Variants in XRCC5 observed in about 807,000 individuals in gnomAD.
The protein encoded by XRCC5 is X-ray repair cross complementing 5.
In XRCC5, 12 loss-of-function variants were observed where a neutral mutation model predicts 95.7. That is an observed-to-expected ratio of 0.13 (90% CI 0.08 to 0.20). The LOEUF (loss-of-function observed/expected upper bound fraction) is 0.20. XRCC5 is among the 10% of genes least tolerant of loss of function. XRCC5 has a pLI of 1.00. For missense variants in XRCC5, 595 were observed against 873.9 expected, an observed-to-expected ratio of 0.68 and a Z score of 4.02; for synonymous variants, 281 against 290.3, an observed-to-expected ratio of 0.97 and a Z score of 0.33.
chr2:216,139,056 C>T (rs969855820), intron 12 of XRCC5, among the ~76,000 whole-genome samples: 2 of 152,048 alleles, frequency 1.3e-5, no homozygotes, highest in African/African-American at 4.8e-5. Flanking sequence ...TGGAGGCAGG[C>T]ATGGACCTGA....
chr2:216,157,804 A>T (rs1394475607), intron 14 of XRCC5, among the ~76,000 whole-genome samples: 1 of 152,250 alleles, frequency 6.6e-6, no homozygotes, highest in African/African-American at 2.4e-5. Context: ...CATCATCCAG[A>T]TGCACCAACT....
intron 8 of XRCC5, among the ~76,000 whole-genome samples, chr2:216,128,815 G>T (rs947001615): frequency 6.6e-6 from 1 of 152,142 alleles, no homozygotes; most frequent in African/African-American, 2.4e-5. Context: ...TATAAAGCAG[G>T]CACTCTTTGT....
chr2:216,141,774 C>CA (rs1286351018), intron 13 of XRCC5, among the ~76,000 whole-genome samples: 6 of 151,960 alleles, frequency 3.9e-5, no homozygotes, highest in African/African-American at 1.2e-4. Flanking sequence ...AAGTCTTGGC[C>CA]ACGTGCGGTG....
At chr2:216,134,684 C>A (rs1373033097) in intron 10 of XRCC5, among the ~76,000 whole-genome samples, 1 of 142,074 alleles carries the variant, frequency 7.0e-6, no homozygotes, top group South Asian at 2.2e-4. Context: ...CCCCCCCCCT[C>A]CTCGGCCTCC....
Position 216,190,353 on chromosome 2 carries a change from C to G in XRCC5, c.1944+19C>G. On this transcript the variant is annotated intron_variant, in intron 17 of 20. Coordinates refer to ENST00000392132, the MANE Select transcript of XRCC5 (RefSeq NM_021141.4). ...CATTAAGGTAATGCTATCCTAGCAT[C>G]TCTTTTCTTCCTAAACAGTTGGCGA... 2 of 1,599,032 alleles carry G rather than the reference C, an allele frequency of 1.3e-6. No homozygotes were observed. The highest frequency in any genetic ancestry group is 1.7e-6 in the Non-Finnish European group (2 of 1,167,332).
At chr2:216,181,043 C>G (rs1205531773) in intron 16 of XRCC5, among the ~76,000 whole-genome samples, 1 of 151,996 alleles carries the variant, frequency 6.6e-6, no homozygotes, top group East Asian at 1.9e-4. Flanking sequence ...GAACTCCCGA[C>G]CTCAGATCAT....
intron 16 of XRCC5, among the ~76,000 whole-genome samples, chr2:216,171,296 C>T (rs889136347): frequency 2.0e-5 from 3 of 152,188 alleles, no homozygotes; most frequent in Non-Finnish European, 4.4e-5. Context: ...TACAGTTAGC[C>T]TGTCAGATCC....
chr2:216,179,968 ATTG>A (rs1689352400), intron 16 of XRCC5, among the ~76,000 whole-genome samples: 1 of 152,188 alleles, frequency 6.6e-6, no homozygotes, highest in African/African-American at 2.4e-5. Context: ...TGAAAGTAGA[ATTG>A]TCAAGTTTTG....
intron 14 of XRCC5, among the ~76,000 whole-genome samples, chr2:216,152,681 A>T (rs1238817643): frequency 2.7e-5 from 4 of 149,682 alleles, no homozygotes; most frequent in African/African-American, 9.9e-5. Flanking sequence ...TTTTTGAGAC[A>T]GGGTGTCTCT....
At chr2:216,188,232 GA>G (rs1032705539) in intron 16 of XRCC5, among the ~76,000 whole-genome samples, 10 of 152,162 alleles carry the variant, frequency 6.6e-5, no homozygotes, top group African/African-American at 2.2e-4. Flanking sequence ...GTTGATTTGT[GA>G]AGCTTTCTGT....
At chr2:216,202,701 C>T (rs1689857795) in intron 19 of XRCC5, among the ~76,000 whole-genome samples, 1 of 152,022 alleles carries the variant, frequency 6.6e-6, no homozygotes, top group African/African-American at 2.4e-5. Context: ...AAGATAAATT[C>T]CTTATTCGCT....
chr2:216,122,101 C>T lies in XRCC5; in HGVS notation c.531C>T (p.Asp177=). The T allele has an allele frequency of 1.2e-6, 2 of 1,613,910 alleles. No homozygotes were observed. Among genetic ancestry groups the T allele is most frequent in the Non-Finnish European group, 1.7e-6 (2 of 1,179,928 alleles). ...TTGGCAAGGAAGATGGAAGTGGGGA[C>T]AGAGGAGATGGCCCCTTTCGCTTAG... The part of the protein sequence containing the change: ...FSLGKEDGSG[D]RGDGPFRLGG... The change falls in exon 6 of 21, where the codon GAC becomes GAT. Residue 177 remains aspartate, a synonymous_variant. Transcript: ENST00000392132.
Position 216,205,542 on chromosome 2 carries a change from C to A in XRCC5, c.*340C>A. On this transcript the variant is annotated 3_prime_UTR_variant, in exon 21 of 21. Coordinates refer to ENST00000392132, the MANE Select transcript of XRCC5 (RefSeq NM_021141.4). ...TGACCTAGTATATCAGTGACAGTTG[C>A]AGCCCTTGTGATGTGATTAGTGTCT... 3.4e-6 allele frequency: 1 copy of A among 290,782 alleles called. No homozygotes were observed. Among genetic ancestry groups the A allele is most frequent in the Non-Finnish European group, 6.5e-6 (1 of 153,406 alleles). 18.0% of individuals were successfully genotyped at this position (290,782 alleles called of 1,614,324 possible).
At chr2:216,126,350 A>G (rs777374435) in intron 7 of XRCC5, among the ~76,000 whole-genome samples, 1 of 152,172 alleles carries the variant, frequency 6.6e-6, no homozygotes, top group Non-Finnish European at 1.5e-5. Flanking sequence ...AAGCTGTGTT[A>G]TTGTAGTATC....
chr2:216,155,785 T>C (rs1333042351), intron 14 of XRCC5, among the ~76,000 whole-genome samples: 2 of 152,114 alleles, frequency 1.3e-5, no homozygotes, highest in African/African-American at 4.8e-5. Flanking sequence ...TAAAAATATA[T>C]ACACATCTAA....
At chr2:216,155,042 A>G (rs1688816492) in intron 14 of XRCC5, among the ~76,000 whole-genome samples, 1 of 152,058 alleles carries the variant, frequency 6.6e-6, no homozygotes, top group Non-Finnish European at 1.5e-5. Context: ...CCTGGGCAAC[A>G]TAGTGAGACC....
At chr2:216,155,809 T>A (rs1420807284) in intron 14 of XRCC5, among the ~76,000 whole-genome samples, 4 of 152,284 alleles carry the variant, frequency 2.6e-5, no homozygotes, top group Middle Eastern at 3.4e-3. Flanking sequence ...GTATCTGATA[T>A]ATCGGTGGGT....
Position 216,160,076 on chromosome 2 carries a change from A to G in XRCC5, c.1679A>G (p.Asp560Gly), listed in dbSNP as rs779876090. 3 of 1,588,178 alleles carry G rather than the reference A, an allele frequency of 1.9e-6. No individual in the cohort carries two copies. The highest frequency in any genetic ancestry group is 1.8e-5 in the Admixed American group (1 of 56,532). The stretch of plus-strand genomic sequence containing the variant: ...TTTTTTTTCTTTTCTAGCCATGAAG[A>G]TGGACCTACAGCTAAAAAATTAAAG... ...AQEIFQDNHE[D>G]GPTAKKLKTE... Residue 560 changes from aspartate to glycine, a missense_variant, in exon 15 of 21, where the codon GAT becomes GGT. Around this residue, in one of 2 missense-constraint regions of XRCC5, gnomAD observed 309 missense variants for 382.9 expected, o/e 0.81. Coordinates refer to ENST00000392132, the MANE Select transcript of XRCC5 (RefSeq NM_021141.4).
rs1688729190 is a variant in XRCC5 at position 216,150,897 on chromosome 2, A to C, written c.1670+2621A>C. ...GAGCGAGACTCCATCTTAATTAAAA[A>C]AGAAAAATAAAAGAAAACGTAATGC... On this transcript the variant is annotated intron_variant, in intron 14 of 20. Coordinates refer to ENST00000392132, the MANE Select transcript of XRCC5 (RefSeq NM_021141.4). Among the ~76,000 whole-genome samples the C allele has an allele frequency of 2.0e-5, 3 of 152,178 alleles. No homozygotes were observed. The South Asian group carries it at 6.2e-4, about 32-fold the overall frequency.
Sources: allele counts gnomAD v4.1 joint callset (sites outside exome capture counted in the v4.1 genomes callset), GRCh38; gene constraint gnomAD v4.1.1; regional missense constraint gnomAD v4.1.1; transcripts MANE v1.5; gene names NCBI Gene and HGNC (gene_info 2026-07-23, HGNC 2026-07-21).